Variants in LDB2 observed in about 807,000 individuals in gnomAD.
LDB2 encodes the protein LIM domain binding 2.
A neutral mutation model predicts 44.3 loss-of-function variants in LDB2; 12 were observed. The ratio of observed to expected loss-of-function variants is 0.27; its 90% CI spans 0.17 to 0.44. The LOEUF (loss-of-function observed/expected upper bound fraction) is 0.44, where lower values mean the gene tolerates loss of function less well. LDB2 is among the 20% of genes least tolerant of loss of function. LDB2 has a pLI of 1.00. For missense variants in LDB2, 344 were observed against 473.5 expected (o/e 0.73, Z 2.54); for synonymous variants, 164 against 174.8 (o/e 0.94, Z 0.49).
chr4:16,731,458 T>C (rs936310690), intron 2 of LDB2, among the ~76,000 whole-genome samples: 3 of 152,106 alleles, frequency 2.0e-5, no homozygotes, highest in Non-Finnish European at 4.4e-5. Context: ...GATGGATCAG[T>C]ACCCTTATAA....
At chr4:16,575,691 T>C (rs142260182) in intron 5 of LDB2, among the ~76,000 whole-genome samples, 197 of 152,364 alleles carry the variant, frequency 1.3e-3, no homozygotes, top group African/African-American at 4.5e-3. Flanking sequence ...TGAGACGATA[T>C]GCTCCTGAAT....
rs77510134 is a variant in LDB2, at chr4:16,513,280, T to C, written c.616-1176A>G. Among the ~76,000 whole-genome samples, 1,009 of 152,240 alleles carry C rather than the reference T, an allele frequency of 6.6e-3. 5 individuals are homozygous for C. Among genetic ancestry groups the C allele is most frequent in the Middle Eastern group, 0.027 (8 of 294 alleles). On this transcript the variant is annotated intron_variant, in intron 5 of 7. Transcript: ENST00000304523. ...AAATGCTCACTCATCCTTGAAGACA[T>C]AGTTACTTCTTCTGTTAAGCCTTCC...
At chr4:16,660,048 G>T (rs1053584572) in intron 2 of LDB2, among the ~76,000 whole-genome samples, 3 of 152,096 alleles carry the variant, frequency 2.0e-5, no homozygotes, top group Non-Finnish European at 4.4e-5. Flanking sequence ...GACATTTTTG[G>T]TTGTCATGAC....
At chr4:16,563,084 G>A (rs1743022994) in intron 5 of LDB2, among the ~76,000 whole-genome samples, 14 of 151,344 alleles carry the variant, frequency 9.3e-5, no homozygotes, top group African/African-American at 3.2e-4. Context: ...GGGGAGAGGG[G>A]AGGGATAGCA....
chr4:16,865,128 T>A (rs1319481559), intron 1 of LDB2, among the ~76,000 whole-genome samples: 1 of 152,050 alleles, frequency 6.6e-6, no homozygotes, highest in Admixed American at 6.5e-5. Context: ...GGTGTGAGCC[T>A]GTAGTCCCAG....
chr4:16,819,794 A>G (rs893047746), intron 1 of LDB2, among the ~76,000 whole-genome samples: 1 of 152,188 alleles, frequency 6.6e-6, no homozygotes, highest in Admixed American at 6.5e-5. Flanking sequence ...GAGGTGAATG[A>G]ATCAGTTTCC....
chr4:16,648,467 A>G (rs1566066), intron 2 of LDB2, among the ~76,000 whole-genome samples: 22,946 of 152,036 alleles, frequency 0.15, 1,985 homozygotes, highest in East Asian at 0.34. Context: ...CATTTTCTCA[A>G]CTCTCTAGCT....
chr4:16,763,981 T>C (rs1768594126), intron 1 of LDB2, among the ~76,000 whole-genome samples: 1 of 152,174 alleles, frequency 6.6e-6, no homozygotes, highest in Non-Finnish European at 1.5e-5. Context: ...TTTATCATTA[T>C]CTCATTTAAC....
At chr4:16,535,436 A>G (rs1731490224) in intron 5 of LDB2, among the ~76,000 whole-genome samples, 1 of 152,152 alleles carries the variant, frequency 6.6e-6, no homozygotes, top group Non-Finnish European at 1.5e-5. Context: ...TCATCCAACA[A>G]ATATGTTTTG....
At chr4:16,593,482 A>G (rs1026735069) in intron 3 of LDB2, among the ~76,000 whole-genome samples, 1 of 151,980 alleles carries the variant, frequency 6.6e-6, no homozygotes, top group Non-Finnish European at 1.5e-5. Context: ...ACAAAAAACA[A>G]AAAATTGAGA....
chr4:16,722,567 T>A (rs73132733), intron 2 of LDB2, among the ~76,000 whole-genome samples: 3,992 of 152,280 alleles, frequency 0.026, 87 homozygotes, highest in African/African-American at 0.054. Context: ...AACTGTCATC[T>A]CTTTTGTGCC....
intron 2 of LDB2, among the ~76,000 whole-genome samples, chr4:16,699,603 T>A (rs1752973761): frequency 6.6e-6 from 1 of 152,102 alleles, no homozygotes; most frequent in Admixed American, 6.5e-5. Context: ...TATAGAGTAT[T>A]TAGAAATATA....
intron 2 of LDB2, among the ~76,000 whole-genome samples, chr4:16,706,301 G>A (rs1754593579): frequency 6.6e-6 from 1 of 152,136 alleles, no homozygotes; most frequent in South Asian, 2.1e-4. Flanking sequence ...GGTCATGAAG[G>A]TGGAGCCCCC....
intron 5 of LDB2, among the ~76,000 whole-genome samples, chr4:16,559,604 C>A (rs1302042733): frequency 6.6e-6 from 1 of 152,138 alleles, no homozygotes; most frequent in African/African-American, 2.4e-5. Flanking sequence ...TCGACTCCCA[C>A]ACAATAATAA....
At chr4:16,528,502 T>C (rs1729025576) in intron 5 of LDB2, among the ~76,000 whole-genome samples, 1 of 152,194 alleles carries the variant, frequency 6.6e-6, no homozygotes, top group Admixed American at 6.5e-5. Context: ...TTGGCTGACA[T>C]TGGAGGATTT....
chr4:16,819,196 G>T (rs565919061), intron 1 of LDB2, among the ~76,000 whole-genome samples: 1 of 151,802 alleles, frequency 6.6e-6, no homozygotes. Flanking sequence ...AGGCCACTGG[G>T]CTAGGTGACC....
intron 1 of LDB2, among the ~76,000 whole-genome samples, chr4:16,794,228 C>T (rs1005801515): frequency 2.6e-5 from 4 of 152,040 alleles, no homozygotes; most frequent in Admixed American, 6.5e-5. Flanking sequence ...TGGTTTACAC[C>T]CCCTAAAATG....
chr4:16,734,388 T>C (rs1561034920), intron 2 of LDB2, among the ~76,000 whole-genome samples: 1 of 152,232 alleles, frequency 6.6e-6, no homozygotes, highest in Non-Finnish European at 1.5e-5. Context: ...ATGCCAACTT[T>C]ACTAATCACT....
intron 2 of LDB2, among the ~76,000 whole-genome samples, chr4:16,746,558 G>T (rs931541714): frequency 6.6e-6 from 1 of 152,122 alleles, no homozygotes; most frequent in Non-Finnish European, 1.5e-5. Context: ...AGGCCAAGGC[G>T]GCCCACTCAC....
Sources: allele counts gnomAD v4.1 joint callset (sites outside exome capture counted in the v4.1 genomes callset), GRCh38; gene constraint gnomAD v4.1.1; transcripts MANE v1.5; gene names NCBI Gene and HGNC (gene_info 2026-07-23, HGNC 2026-07-21).